The following FSCN2 variants were observed in gnomAD, a reference collection of about 807,000 sequenced individuals.
FSCN2 encodes fascin actin-bundling protein 2, retinal.
Under a neutral mutation model 37.8 loss-of-function variants are expected in FSCN2, and 46 were observed. The ratio of observed to expected loss-of-function variants is 1.22; its 90% CI spans 0.96 to 1.56. FSCN2 has a LOEUF of 1.56. Among genes scored for constraint, FSCN2 ranks in the 40% most tolerant of loss-of-function variants. FSCN2 has a pLI of 0.00. For synonymous variants in FSCN2, 351 were observed against 309.4 expected (o/e 1.13, Z -1.41); for missense variants, 844 against 730.4 (o/e 1.16, Z -1.79).
chr17:81,519,657 C>A, the FSCN2 span, among the ~76,000 whole-genome samples: 5 of 152,210 alleles, frequency 3.3e-5, no homozygotes, highest in Non-Finnish European at 7.3e-5. Flanking sequence ...CGGCCGCACA[C>A]CGGACGGTGA....
At chr17:81,532,044 GTGA>G (rs1331635549) in intron 1 of FSCN2, among the ~76,000 whole-genome samples, 2 of 113,774 alleles carry the variant, frequency 1.8e-5, no homozygotes, top group Non-Finnish European at 3.7e-5. Flanking sequence ...GATGATGATG[GTGA>G]TGATGGTGAT....
At chr17:81,534,060 C>G (rs1378931255) in intron 1 of FSCN2, among the ~76,000 whole-genome samples, 4 of 152,228 alleles carry the variant, frequency 2.6e-5, no homozygotes, top group African/African-American at 9.6e-5. Flanking sequence ...GGGATGCTGG[C>G]ACGAATACTC....
intron 1 of FSCN2, among the ~76,000 whole-genome samples, chr17:81,531,497 G>GGTGATGATGATGATA (rs1568077534): frequency 0.048 from 6,788 of 140,400 alleles, 582 homozygotes; most frequent in African/African-American, 0.17. Context: ...TGATGGTGAT[G>GGTGATGATGATGATA]GTGATGGTGG....
upstream of FSCN2, among the ~76,000 whole-genome samples, chr17:81,524,343 C>T (rs2032285746): frequency 1.3e-5 from 2 of 152,100 alleles, no homozygotes; most frequent in South Asian, 2.1e-4. Flanking sequence ...GACCAGGGGG[C>T]TGGGGGTACT....
chr17:81,529,727 G>T, intron 1 of FSCN2: 2 of 510,840 alleles, frequency 3.9e-6, no homozygotes, highest in South Asian at 1.5e-5. Flanking sequence ...GCCTGGCCTG[G>T]TGCCATGAGG....
intron 1 of FSCN2, among the ~76,000 whole-genome samples, chr17:81,531,480 ATGG>A (rs1457048744): frequency 1.4e-4 from 14 of 97,714 alleles, no homozygotes; most frequent in Non-Finnish European, 2.5e-4. Flanking sequence ...GGTGGTGGTG[ATGG>A]TGATGATGGT....
chr17:81,532,530 A>ATAGTGATGGTGG, intron 1 of FSCN2, among the ~76,000 whole-genome samples: 5 of 130,382 alleles, frequency 3.8e-5, no homozygotes, highest in African/African-American at 1.5e-4. Context: ...GGTGATGATG[A>ATAGTGATGGTGG]TGATAGTGAT....
At chr17:81,531,378 A>ATGG (rs1568077283) in intron 1 of FSCN2, among the ~76,000 whole-genome samples, 2 of 53,928 alleles carry the variant, frequency 3.7e-5, no homozygotes, top group African/African-American at 6.8e-5. Context: ...GGTGGTGGTG[A>ATGG]TGGTGGTGAT....
chr17:81,524,990 C>T (rs1194407572), upstream of FSCN2, among the ~76,000 whole-genome samples: 1 of 152,084 alleles, frequency 6.6e-6, no homozygotes, highest in Non-Finnish European at 1.5e-5. Context: ...GAACCCGGCC[C>T]TGTGCTGGGG....
intron 1 of FSCN2, among the ~76,000 whole-genome samples, chr17:81,530,977 C>T (rs1306439679): frequency 1.3e-4 from 20 of 152,272 alleles, no homozygotes; most frequent in Admixed American, 5.2e-4. Context: ...AGAATGCTTC[C>T]TCCATGGAAG....
intron 1 of FSCN2, 37 bp from the exon 2 acceptor site, chr17:81,535,015 G>T (rs1379945226): frequency 2.7e-6 from 4 of 1,489,162 alleles, no homozygotes. Context: ...CCCTACCCAG[G>T]AGAGGCGTGA....
At chr17:81,535,013 A>C (rs1172316668) in intron 1 of FSCN2, 39 bp from the exon 2 acceptor site, 1 of 1,483,220 alleles carries the variant, frequency 6.7e-7, no homozygotes. Context: ...CTCCCTACCC[A>C]GGAGAGGCGT....
chr17:81,519,637 C>T, the FSCN2 span, among the ~76,000 whole-genome samples: 1 of 152,184 alleles, frequency 6.6e-6, no homozygotes, highest in Admixed American at 6.5e-5. Flanking sequence ...CGGGGCCGGT[C>T]GCTGAGTCAC....
At position 81,536,723 on chromosome 17, in the gene FSCN2, G is replaced by A; in HGVS notation, c.1207G>A (p.Asp403Asn). ...VCHHRGSNQL[D>N]TNRSVYDVFH... ...CCACCACCGCGGCTCCAACCAGCTG[G>A]ACACCAACCGCTCCGTCTACGACGT... Residue 403 changes from aspartate to asparagine, a missense_variant, in exon 4 of 5, where the codon GAC becomes AAC. Transcript: ENST00000417245. 5 of 1,611,240 alleles carry A rather than the reference G, an allele frequency of 3.1e-6. No homozygotes were observed. The highest frequency in any genetic ancestry group is 4.5e-5 in the East Asian group (2 of 44,866).
Position 81,536,962 on chromosome 17 carries a change from G to T in FSCN2, c.1361G>T (p.Arg454Leu). The T allele has an allele frequency of 6.4e-7, 1 of 1,553,366 alleles. No individual in the cohort carries two copies. The part of the protein sequence containing the change: ...ERAEDFVFEF[R>L]ERGRLAIRAR... Reference sequence around the variant, plus strand: ...GCCGAGGACTTCGTCTTCGAGTTCCGTGAGCGCGGCCGCCTGGCCATCCGC... The same window carrying T: ...GCCGAGGACTTCGTCTTCGAGTTCCTTGAGCGCGGCCGCCTGGCCATCCGC... Residue 454 changes from arginine to leucine, a missense_variant, in exon 5 of 5, where the codon CGT (arginine) becomes CTT (leucine). By Grantham distance (102) the Arg-to-Leu change is moderately radical (BLOSUM62 -2). Coordinates refer to ENST00000417245, the MANE Select transcript of FSCN2 (RefSeq NM_012418.4).
At chr17:81,530,397 C>CT (rs782572871) in intron 1 of FSCN2, among the ~76,000 whole-genome samples, 1 of 152,234 alleles carries the variant, frequency 6.6e-6, no homozygotes, top group Non-Finnish European at 1.5e-5. Context: ...CCTCCACCGC[C>CT]TATGGGGTGA....
At chr17:81,521,496 C>T in the FSCN2 span, among the ~76,000 whole-genome samples, 1 of 152,062 alleles carries the variant, frequency 6.6e-6, no homozygotes, top group Admixed American at 6.6e-5. Flanking sequence ...TCTCCATCCC[C>T]CAGCAGCCAG....
chr17:81,515,778 C>T, the FSCN2 span, among the ~76,000 whole-genome samples: 79 of 152,396 alleles, frequency 5.2e-4, no homozygotes, highest in Admixed American at 7.2e-4. Flanking sequence ...GGGGCGTGGG[C>T]ATGGGTCCCC....
chr17:81,522,548 A>G, the FSCN2 span, among the ~76,000 whole-genome samples: 1 of 152,158 alleles, frequency 6.6e-6, no homozygotes, highest in African/African-American at 2.4e-5. Flanking sequence ...TTTCCCCAGC[A>G]CGGTTCCTGG....
Sources: gnomAD v4.1 joint callset for allele counts (sites outside exome capture counted in the v4.1 genomes callset) on GRCh38, gnomAD v4.1.1 for gene constraint, MANE v1.5 for transcripts, NCBI Gene and HGNC (gene_info 2026-07-23, HGNC 2026-07-21) for gene names.